TENM3: variants seen among roughly 807,000 people sequenced by gnomAD.
The protein encoded by TENM3 is teneurin-3.
A neutral mutation model predicts 255.1 loss-of-function variants in TENM3; 63 were observed. That is an observed-to-expected ratio of 0.25 (90% confidence interval 0.20 to 0.30). The LOEUF (loss-of-function observed/expected upper bound fraction) is 0.30, where lower values mean the gene tolerates loss of function less well. TENM3 is among the 10% of genes least tolerant of loss of function. The pLI is 1.00. For synonymous variants in TENM3, 1,306 were observed against 1,322.3 expected (o/e 0.99, Z 0.27); for missense variants, 2,929 against 3,461.1 (o/e 0.85, Z 3.86).
chr4:182,361,011 G>T (rs1434904147), intron 3 of TENM3, among the ~76,000 whole-genome samples: 1 of 152,088 alleles, frequency 6.6e-6, no homozygotes, highest in Admixed American at 6.5e-5. Flanking sequence ...GAAATTCTGG[G>T]TTGAAAATTC....
At chr4:181,535,749 C>CT in the TENM3 span, among the ~76,000 whole-genome samples, 2 of 152,168 alleles carry the variant, frequency 1.3e-5, no homozygotes, top group Non-Finnish European at 2.9e-5. Context: ...CTTCCTATTT[C>CT]TTCCATCTGC....
chr4:181,516,320 A>C, the TENM3 span, among the ~76,000 whole-genome samples: 1 of 151,502 alleles, frequency 6.6e-6, no homozygotes, highest in Non-Finnish European at 1.5e-5. Context: ...ACATTTATCT[A>C]TGTAACATAC....
chr4:182,290,364 A>G (rs1286720963), intron 1 of TENM3, among the ~76,000 whole-genome samples: 1 of 152,082 alleles, frequency 6.6e-6, no homozygotes, highest in East Asian at 1.9e-4. Flanking sequence ...AGTTGCTTGT[A>G]TTTTGCACGT....
At chr4:182,361,512 C>T (rs1279133048) in intron 3 of TENM3, among the ~76,000 whole-genome samples, 48 of 152,266 alleles carry the variant, frequency 3.2e-4, no homozygotes, top group Admixed American at 1.2e-3. Flanking sequence ...TTGATCGCAT[C>T]GGCTCCTGAG....
At chr4:182,621,640 TAATACA>T (rs1400739784) in intron 4 of TENM3, among the ~76,000 whole-genome samples, 5 of 74,336 alleles carry the variant, frequency 6.7e-5, no homozygotes, top group South Asian at 4.1e-4. Flanking sequence ...ATATAATATA[TAATACA>T]TATTATAATA....
chr4:182,573,537 G>T (rs1002151729), intron 3 of TENM3, among the ~76,000 whole-genome samples: 2 of 152,070 alleles, frequency 1.3e-5, no homozygotes, highest in East Asian at 3.9e-4. Flanking sequence ...AGAAGCAGGG[G>T]TATTATTACA....
the TENM3 span, among the ~76,000 whole-genome samples, chr4:181,491,026 G>A: frequency 1.4e-4 from 21 of 151,864 alleles, no homozygotes; most frequent in Middle Eastern, 3.4e-3. Context: ...GTAATATCTT[G>A]CAAACTAATT....
intron 6 of TENM3, among the ~76,000 whole-genome samples, chr4:182,662,190 G>A (rs1754282158): frequency 1.3e-5 from 2 of 152,106 alleles, no homozygotes; most frequent in Admixed American, 1.3e-4. Flanking sequence ...AGAAGGAGAG[G>A]AATAACAATA....
At chr4:182,058,059 C>T in the TENM3 span, among the ~76,000 whole-genome samples, 4,442 of 150,174 alleles carry the variant, frequency 0.03, 216 homozygotes, top group African/African-American at 0.1. Flanking sequence ...ACGGAACATG[C>T]TATGAGGCTT....
At chr4:182,796,887 T>C in intron 27 of TENM3, 120 bp downstream of exon 27, 1 of 747,962 alleles carries the variant, frequency 1.3e-6, no homozygotes, top group Admixed American at 3.7e-5. Context: ...TTTGACTGTT[T>C]TAGGGAAAAA....
intron 2 of TENM3, among the ~76,000 whole-genome samples, chr4:182,335,272 G>A (rs1003135482): frequency 1.4e-5 from 2 of 140,234 alleles, no homozygotes; most frequent in Non-Finnish European, 3.1e-5. Flanking sequence ...GCTGAGGCGG[G>A]CGGATCACGA....
At chr4:181,481,980 A>G in the TENM3 span, among the ~76,000 whole-genome samples, 1 of 152,278 alleles carries the variant, frequency 6.6e-6, no homozygotes, top group East Asian at 1.9e-4. Flanking sequence ...CAAAGCAGTC[A>G]TCAGAGCTAC....
At chr4:182,605,925 A>G (rs574202772) in intron 4 of TENM3, among the ~76,000 whole-genome samples, 9 of 152,346 alleles carry the variant, frequency 5.9e-5, no homozygotes, top group African/African-American at 1.9e-4. Flanking sequence ...TGTGATTACC[A>G]CACTAAGTTT....
chr4:181,617,984 T>C, the TENM3 span, among the ~76,000 whole-genome samples: 17,952 of 152,248 alleles, frequency 0.12, 1,131 homozygotes, highest in South Asian at 0.22. Flanking sequence ...ACAGTATGGA[T>C]TGAACTTGAA....
chr4:181,960,465 C>T, the TENM3 span, among the ~76,000 whole-genome samples: 1 of 152,188 alleles, frequency 6.6e-6, no homozygotes, highest in Non-Finnish European at 1.5e-5. Context: ...AAATCGAAGT[C>T]AAGTCACAAA....
At chr4:181,915,123 C>T in the TENM3 span, among the ~76,000 whole-genome samples, 27 of 152,052 alleles carry the variant, frequency 1.8e-4, 1 homozygote, top group South Asian at 2.1e-3. Context: ...GCATTTTCAA[C>T]GGTTAGAAGG....
intron 12 of TENM3, among the ~76,000 whole-genome samples, chr4:182,696,033 A>G (rs1757374782): frequency 6.6e-6 from 1 of 152,220 alleles, no homozygotes; most frequent in African/African-American, 2.4e-5. Context: ...AGTCTTGTTT[A>G]TGTGACGTCA....
chr4:182,479,221 T>C (rs1395012406), intron 3 of TENM3, among the ~76,000 whole-genome samples: 1 of 151,938 alleles, frequency 6.6e-6, no homozygotes, highest in Non-Finnish European at 1.5e-5. Flanking sequence ...GTGGGTAGAA[T>C]TACTGAGGGA....
At chr4:182,090,284 C>T in the TENM3 span, among the ~76,000 whole-genome samples, 2 of 152,210 alleles carry the variant, frequency 1.3e-5, no homozygotes, top group Non-Finnish European at 2.9e-5. Flanking sequence ...ACAATTGATA[C>T]GCAGAAGCAA....
Sources: allele counts gnomAD v4.1 joint callset (sites outside exome capture counted in the v4.1 genomes callset), GRCh38; gene constraint gnomAD v4.1.1; transcripts MANE v1.5; gene names NCBI Gene and HGNC (gene_info 2026-07-23, HGNC 2026-07-21).